Variants in KDM4C observed in about 807,000 individuals in gnomAD.
KDM4C encodes lysine demethylase 4C.
Under a neutral mutation model 129.3 loss-of-function variants are expected in KDM4C, and 81 were observed. The observed-to-expected ratio is 0.63, with a 90% CI of 0.52 to 0.75. KDM4C has a LOEUF of 0.75. Ranked by LOEUF, KDM4C falls within the 30% of genes least tolerant of loss-of-function variation. KDM4C has a pLI of 0.00. For synonymous variants in KDM4C, 573 were observed against 456.1 expected (o/e 1.26, Z -3.26); for missense variants, 1,457 against 1,304.0 (o/e 1.12, Z -1.81).
chr9:6,744,273 C>T (rs2130274423), intron 1 of KDM4C, among the ~76,000 whole-genome samples: 1 of 152,242 alleles, frequency 6.6e-6, no homozygotes, highest in East Asian at 1.9e-4. Flanking sequence ...TGCCTGTAAT[C>T]CCAGCACTTT....
intron 8 of KDM4C, among the ~76,000 whole-genome samples, chr9:6,947,254 T>G (rs1827137304): frequency 6.6e-6 from 1 of 152,174 alleles, no homozygotes; most frequent in African/African-American, 2.4e-5. Flanking sequence ...GTGAAAGCTA[T>G]TTTTTTCTAA....
intron 15 of KDM4C, among the ~76,000 whole-genome samples, chr9:7,039,571 A>G (rs1424384182): frequency 9.9e-5 from 15 of 152,070 alleles, no homozygotes; most frequent in South Asian, 2.1e-4. Context: ...GACTCCCCCA[A>G]TACCTAACTA....
chr9:6,898,372 A>G (rs1372561845), intron 8 of KDM4C, among the ~76,000 whole-genome samples: 1 of 152,076 alleles, frequency 6.6e-6, no homozygotes, highest in Non-Finnish European at 1.5e-5. Context: ...CAGTGTATTT[A>G]TTACAGTGTG....
At chr9:7,058,579 C>G (rs895732796) in intron 17 of KDM4C, among the ~76,000 whole-genome samples, 2 of 152,106 alleles carry the variant, frequency 1.3e-5, no homozygotes, top group Non-Finnish European at 2.9e-5. Context: ...TACATCAAAC[C>G]AAGGCATCAA....
chr9:6,786,851 A>G (rs76598928), intron 1 of KDM4C, among the ~76,000 whole-genome samples: 2 of 152,186 alleles, frequency 1.3e-5, no homozygotes, highest in Non-Finnish European at 2.9e-5. Context: ...GTGTTCAAAA[A>G]TGATCACTGT....
intron 12 of KDM4C, among the ~76,000 whole-genome samples, chr9:7,002,196 A>G (rs1424763367): frequency 6.6e-6 from 1 of 152,192 alleles, no homozygotes; most frequent in African/African-American, 2.4e-5. Flanking sequence ...CTTGCCTCCC[A>G]TGGGTAGTTT....
intron 21 of KDM4C, among the ~76,000 whole-genome samples, chr9:7,171,583 A>G (rs1844964684): frequency 6.6e-6 from 1 of 152,074 alleles, no homozygotes; most frequent in Non-Finnish European, 1.5e-5. Flanking sequence ...TTCATTTTCT[A>G]ATCGATGTAT....
At chr9:6,953,257 G>A (rs973972287) in intron 8 of KDM4C, among the ~76,000 whole-genome samples, 2 of 152,158 alleles carry the variant, frequency 1.3e-5, no homozygotes, top group Non-Finnish European at 2.9e-5. Context: ...GAAATATAGA[G>A]TGGTCTGTGT....
chr9:6,929,480 T>C (rs1416339991), intron 8 of KDM4C, among the ~76,000 whole-genome samples: 1 of 149,800 alleles, frequency 6.7e-6, no homozygotes, highest in Non-Finnish European at 1.5e-5. Context: ...TCTTTTTTTT[T>C]TTTTTTTTTT....
intron 4 of KDM4C, among the ~76,000 whole-genome samples, chr9:6,821,714 C>T (rs904792683): frequency 1.3e-5 from 2 of 151,836 alleles, no homozygotes. Context: ...GGCGCGGTCT[C>T]AACCTTCACC....
chr9:6,935,242 C>T (rs1419473223), intron 8 of KDM4C, among the ~76,000 whole-genome samples: 2 of 152,058 alleles, frequency 1.3e-5, no homozygotes, highest in Non-Finnish European at 2.9e-5. Flanking sequence ...ATAATTTAGG[C>T]ATATCCTTGG....
intron 7 of KDM4C, among the ~76,000 whole-genome samples, chr9:6,888,310 C>T (rs899303095): frequency 1.6e-4 from 25 of 152,120 alleles, no homozygotes; most frequent in African/African-American, 6.0e-4. Context: ...AAATGTAGCA[C>T]ATTCTATAAA....
chr9:6,988,136 C>A (rs1261059076), intron 11 of KDM4C, among the ~76,000 whole-genome samples: 5 of 111,598 alleles, frequency 4.5e-5, no homozygotes, highest in African/African-American at 7.1e-5. Flanking sequence ...GCCTGGGTGA[C>A]AGAGTGAGAG....
chr9:7,168,915 C>T (rs900361108), intron 20 of KDM4C, among the ~76,000 whole-genome samples: 8 of 151,978 alleles, frequency 5.3e-5, no homozygotes, highest in African/African-American at 1.9e-4. Flanking sequence ...CGTTGTGGCA[C>T]ACAGCTATGG....
chr9:6,752,843 T>C (rs937189530), upstream of KDM4C, among the ~76,000 whole-genome samples: 1 of 152,204 alleles, frequency 6.6e-6, no homozygotes, highest in African/African-American at 2.4e-5. Flanking sequence ...CAATAAAATA[T>C]CTGTGTTCCT....
intron 2 of KDM4C, among the ~76,000 whole-genome samples, chr9:6,793,852 T>A (rs1009355001): frequency 5.9e-5 from 9 of 152,162 alleles, no homozygotes; most frequent in African/African-American, 2.2e-4. Context: ...CTCTTTTTTT[T>A]TATATAACAC....
At chr9:6,721,350 C>T (rs906560853) in intron 1 of KDM4C, among the ~76,000 whole-genome samples, 5 of 135,412 alleles carry the variant, frequency 3.7e-5, no homozygotes, top group Admixed American at 2.5e-4. Context: ...GTGGCGCAAT[C>T]TGGGCTCACT....
At chr9:6,892,959 T>A in intron 7 of KDM4C, 136 bp from the exon 8 acceptor site, 1 of 546,018 alleles carries the variant, frequency 1.8e-6, no homozygotes, top group Non-Finnish European at 2.9e-6. Flanking sequence ...GTAATGAATC[T>A]GGTGGAACTC....
At chr9:6,857,169 T>G (rs541275848) in intron 5 of KDM4C, among the ~76,000 whole-genome samples, 1 of 152,222 alleles carries the variant, frequency 6.6e-6, no homozygotes, top group East Asian at 1.9e-4. Flanking sequence ...ATTGTATGTT[T>G]CAAAGATAGT....
Sources: gnomAD v4.1 joint callset for allele counts (sites outside exome capture counted in the v4.1 genomes callset) on GRCh38, gnomAD v4.1.1 for gene constraint, MANE v1.5 for transcripts, NCBI Gene and HGNC (gene_info 2026-07-23, HGNC 2026-07-21) for gene names.